The following SPCS1 variants were observed in gnomAD, a reference collection of about 807,000 sequenced individuals.
SPCS1 encodes the protein SPase 12 kDa subunit.
SPCS1 carries 10 observed loss-of-function variants against 16.4 expected under a neutral mutation model. That is an observed-to-expected ratio of 0.61 (90% CI 0.38 to 1.03). The LOEUF is 1.03. Among genes scored for constraint, SPCS1 ranks in the 50% least tolerant of loss-of-function variants. SPCS1 has a pLI of 0.01. For missense variants in SPCS1, 118 were observed against 123.8 expected, an observed-to-expected ratio of 0.95 and a Z score of 0.22; for synonymous variants, 47 against 42.5, an observed-to-expected ratio of 1.10 and a Z score of -0.41.
chr3:52,706,637 A>G lies in SPCS1; in HGVS notation c.37-7A>G. On this transcript the variant is annotated splice_polypyrimidine_tract_variant and splice_region_variant and intron_variant, in intron 1 of 3. Transcript: ENST00000619898. ...ACCAATTCTTTTTTTCCTCTGCTTC[A>G]CCCCAGGATTACAAGGGCCAGAAGC... is the stretch of plus-strand genomic sequence containing the variant. 5 of 1,613,280 alleles carry G rather than the reference A, an allele frequency of 3.1e-6. No individual in the cohort carries two copies. Among genetic ancestry groups the G allele is most frequent in the Non-Finnish European group, 4.2e-6 (5 of 1,179,522 alleles).
In SPCS1 at chr3:52,709,930, C is replaced by T. The variant is rs1040450429; in HGVS notation, c.*2118C>T. ...GATGGTTTTGCAAGTTGAGTTCTAGCAAACCCTTCAAAGTGAAAATAAGAG... is the reference window on the plus strand; with the variant it reads ...GATGGTTTTGCAAGTTGAGTTCTAGTAAACCCTTCAAAGTGAAAATAAGAG... On this transcript the variant is annotated 3_prime_UTR_variant, in exon 4 of 4. Transcript: ENST00000619898. 1 of 152,134 alleles carries T rather than the reference C, an allele frequency of 6.6e-6. No homozygotes were observed. The highest frequency in any genetic ancestry group is 2.4e-5 in the African/African-American group (1 of 41,410). 9.4% of individuals were successfully genotyped at this position (152,134 alleles called of 1,614,324 possible). A position where few individuals can be genotyped will look rare whatever the true frequency, so the allele number is the denominator to read the frequency against.
intron 3 of SPCS1, 138 bp downstream of exon 3, chr3:52,707,017 A>G: frequency 1.4e-6 from 1 of 717,140 alleles, no homozygotes. Flanking sequence ...TATCATTGGA[A>G]AAGTAGAATG....
rs551000148 is a variant in SPCS1 at position 52,707,959 on chromosome 3, T to C, written c.*147T>C. ...TCTTTATACTTCATTTCTAGCCCAG[T>C]TGGGTTTTGATTTATATAAGTAGTT... On this transcript the variant is annotated 3_prime_UTR_variant, in exon 4 of 4. Transcript: ENST00000619898. 2.1e-5 allele frequency: 22 copies of C among 1,037,506 alleles called. No homozygotes were observed. Among genetic ancestry groups the C allele is most frequent in the East Asian group, 2.0e-4 (8 of 39,886 alleles). 64.3% of individuals were successfully genotyped at this position (1,037,506 alleles called of 1,614,324 possible).
Position 52,710,927 on chromosome 3 carries a change from A to T in SPCS1, c.*3115A>T, listed in dbSNP as rs1238243500. 1 of 152,612 alleles carries T rather than the reference A, an allele frequency of 6.6e-6. No homozygotes were observed. Among genetic ancestry groups the T allele is most frequent in the East Asian group, 1.9e-4 (1 of 5,204 alleles). 9.5% of individuals were successfully genotyped at this position (152,612 alleles called of 1,614,324 possible). On this transcript the variant is annotated 3_prime_UTR_variant, in exon 4 of 4. Transcript: ENST00000619898. Reference sequence around the variant, plus strand: ...ACAACTAATAAAATATGTGCTATATAATCATACATTTAAAACATGGAAAGA... The same window carrying T: ...ACAACTAATAAAATATGTGCTATATTATCATACATTTAAAACATGGAAAGA...
chr3:52,706,361 G>A, intron 1 of SPCS1, 79 bp downstream of exon 1: 2 of 1,457,860 alleles, frequency 1.4e-6, no homozygotes, highest in East Asian at 2.4e-5. Flanking sequence ...GCACCGACCC[G>A]GTGCTGCGCT....
In SPCS1 at chr3:52,708,062, A is replaced by T; in HGVS notation, c.*250A>T. 3.2e-6 allele frequency: 1 copy of T among 317,360 alleles called. No individual in the cohort carries two copies. Among genetic ancestry groups the T allele is most frequent in the Non-Finnish European group, 5.9e-6 (1 of 170,118 alleles). The allele number at this position is 317,360 out of a possible 1,614,324, so 19.7% of individuals were successfully genotyped here. A position where few individuals can be genotyped will look rare whatever the true frequency, so the allele number is the denominator to read the frequency against. On this transcript the variant is annotated 3_prime_UTR_variant, in exon 4 of 4. Coordinates refer to ENST00000619898, the MANE Select transcript of SPCS1 (RefSeq NM_014041.5). ...ATGAAGTTTCTTTCAGGTGTAAATA[A>T]TGAAAAATAAATGCCTCATAAATGA...
At position 52,710,297 on chromosome 3, in the gene SPCS1, G is replaced by A. The variant is rs1431317688; in HGVS notation, c.*2485G>A. 4.0e-5 allele frequency: 6 copies of A among 151,890 alleles called. No individual in the cohort carries two copies. Among genetic ancestry groups the A allele is most frequent in the African/African-American group, 9.7e-5 (4 of 41,282 alleles). The allele number at this position is 151,890 out of a possible 1,614,324, so 9.4% of individuals were successfully genotyped here. ...GGAGAATGGAGTGAACCTGGGAGGC[G>A]GAGCTTGCAGTGATCTGAGATTGGG... On this transcript the variant is annotated 3_prime_UTR_variant, in exon 4 of 4. Transcript: ENST00000619898.
At chr3:52,707,643 C>A (rs1443208186) in intron 3 of SPCS1, 44 bp from the exon 4 acceptor site, 2 of 1,589,398 alleles carry the variant, frequency 1.3e-6, no homozygotes, top group African/African-American at 1.4e-5. Flanking sequence ...ATTTTTTAAA[C>A]TTTTAATAGC....
chr3:52,706,543 C>A, intron 1 of SPCS1, 101 bp from the exon 2 acceptor site: 1 of 1,149,680 alleles, frequency 8.7e-7, no homozygotes, highest in Non-Finnish European at 1.3e-6. Context: ...GCGGGAGACC[C>A]TGATGTTGGG....
At chr3:52,706,553 G>A in intron 1 of SPCS1, 91 bp from the exon 2 acceptor site, 1 of 1,236,974 alleles carries the variant, frequency 8.1e-7, no homozygotes, top group Non-Finnish European at 1.2e-6. Flanking sequence ...CTGATGTTGG[G>A]GTTACCCTGT....
rs180725283 is a variant in SPCS1 at position 52,706,640 on chromosome 3, C to T, written c.37-4C>T. 9.6e-5 allele frequency: 155 copies of T among 1,613,768 alleles called. 1 individual carries two copies. In the Admixed American group the frequency reaches 2.5e-3, roughly 26 times the overall value. ...AATTCTTTTTTTCCTCTGCTTCACC[C>T]CAGGATTACAAGGGCCAGAAGCTAG... On this transcript the variant is annotated splice_polypyrimidine_tract_variant and splice_region_variant and intron_variant, in intron 1 of 3. Transcript: ENST00000619898.
chr3:52,706,686 ATTATTCTTTT>A lies in SPCS1; in HGVS notation c.82_91del (p.Ile28LeufsTer3). The A allele has an allele frequency of 6.2e-7, 1 of 1,613,940 alleles. No homozygotes were observed. Among genetic ancestry groups the A allele is most frequent in the Non-Finnish European group, 8.5e-7 (1 of 1,179,858 alleles). On this transcript the variant is annotated frameshift_variant, in exon 2 of 4. Transcript: ENST00000619898. LOFTEE classifies it high-confidence loss of function. The stretch of plus-strand genomic sequence containing the variant: ...GCTAGCTGAACAGATGTTTCAGGGA[ATTATTCTTTT>A]TTCTGCAGTAAGTATTGGTTTTACA...
chr3:52,707,610 G>T (rs1250434109), intron 3 of SPCS1, 77 bp from the exon 4 acceptor site: 6 of 1,501,976 alleles, frequency 4.0e-6, no homozygotes, highest in Non-Finnish European at 3.6e-6. Flanking sequence ...GAGTCATTTG[G>T]GAACCTGGCA....
In SPCS1 at chr3:52,709,408, T is replaced by C. The variant is rs777730627; in HGVS notation, c.*1596T>C. On this transcript the variant is annotated 3_prime_UTR_variant, in exon 4 of 4. Transcript: ENST00000619898. ...TAAAAATATACAGTATGGTAATTAA[T>C]AAGAAAGTATGGGGGAAGTCAGGTG... The C allele has an allele frequency of 6.6e-6, 1 of 152,054 alleles. No individual in the cohort carries two copies. Among genetic ancestry groups the C allele is most frequent in the Non-Finnish European group, 1.5e-5 (1 of 67,952 alleles). The allele number at this position is 152,054 out of a possible 1,614,324, so 9.4% of individuals were successfully genotyped here. A position where few individuals can be genotyped will look rare whatever the true frequency, so the allele number is the denominator to read the frequency against.
Position 52,708,037 on chromosome 3 carries a change from A to G in SPCS1, c.*225A>G. The G allele has an allele frequency of 2.5e-6, 1 of 393,438 alleles. No individual in the cohort carries two copies. Among genetic ancestry groups the G allele is most frequent in the East Asian group, 4.1e-5 (1 of 24,538 alleles). The allele number at this position is 393,438 out of a possible 1,614,324, so 24.4% of individuals were successfully genotyped here. On this transcript the variant is annotated 3_prime_UTR_variant, in exon 4 of 4. Transcript: ENST00000619898. ...GAGATGGGGAACAGAACACACAAGT[A>G]TGAAGTTTCTTTCAGGTGTAAATAA...
chr3:52,707,801 A>G lies in SPCS1; in HGVS notation c.298A>G (p.Lys100Glu). ...GGAAAGAAAAATTAAGAGGCATGCT[A>G]AAAATAATTGAGGTTTTCATGATTC... ...PGERKIKRHA[K>E]NN Residue 100 changes from lysine to glutamate, a missense_variant, in exon 4 of 4, where the codon AAA (lysine) becomes GAA (glutamate). Transcript: ENST00000619898. 6.2e-7 allele frequency: 1 copy of G among 1,614,070 alleles called. No homozygotes were observed. The highest frequency in any genetic ancestry group is 8.5e-7 in the Non-Finnish European group (1 of 1,179,962).
Position 52,707,734 on chromosome 3 carries a change from G to C in SPCS1, c.231G>C (p.Trp77Cys). The stretch of plus-strand genomic sequence containing the variant: ...TCTATCGCCGGCATCCTCTCAAGTG[G>C]TTACCTGTTCAAGAATCAAGCACAG... Reference protein sequence around the residue: ...WPIYRRHPLKWLPVQESSTDD... With the variant: ...WPIYRRHPLKCLPVQESSTDD... The change falls in exon 4 of 4, where the codon TGG (tryptophan) becomes TGC (cysteine). Residue 77 changes from tryptophan to cysteine, a missense_variant. Trp to Cys is a radical substitution (Grantham distance 215). Transcript: ENST00000619898. 1 of 1,614,076 alleles carries C rather than the reference G, an allele frequency of 6.2e-7. No homozygotes were observed. Among genetic ancestry groups the C allele is most frequent in the Non-Finnish European group, 8.5e-7 (1 of 1,180,006 alleles).
intron 1 of SPCS1, 160 bp downstream of exon 1, chr3:52,706,442 C>G: frequency 1.2e-6 from 1 of 855,246 alleles, no homozygotes; most frequent in Non-Finnish European, 1.8e-6. Flanking sequence ...CTCTTCTACT[C>G]CGCGAGAATC....
chr3:52,707,722 T>G lies in SPCS1; in HGVS notation c.219T>G (p.His73Gln). Residue 73 changes from histidine (H) to glutamine (Q), a missense_variant, in exon 4 of 4, where the codon CAT (histidine) becomes CAG (glutamine). His to Gln is a conservative substitution (Grantham distance 24). Transcript: ENST00000619898. ...CTCCATGGCCCATCTATCGCCGGCA[T>G]CCTCTCAAGTGGTTACCTGTTCAAG... Reference protein sequence around the residue: ...TLPPWPIYRRHPLKWLPVQES... With the variant: ...TLPPWPIYRRQPLKWLPVQES... 6.2e-7 allele frequency: 1 copy of G among 1,614,092 alleles called. No individual in the cohort carries two copies. The highest frequency in any genetic ancestry group is 8.5e-7 in the Non-Finnish European group (1 of 1,179,954).
Sources: gnomAD v4.1 joint callset for allele counts on GRCh38, gnomAD v4.1.1 for gene constraint, MANE v1.5 for transcripts, NCBI Gene and HGNC (gene_info 2026-07-23, HGNC 2026-07-21) for gene names.